The following COLEC11 variants were observed in gnomAD, a reference collection of about 807,000 sequenced individuals.
COLEC11 encodes the protein collectin-11.
Under a neutral mutation model 27.3 loss-of-function variants are expected in COLEC11, and 20 were observed. The observed-to-expected ratio is 0.73, with a 90% CI of 0.51 to 1.06. The LOEUF (loss-of-function observed/expected upper bound fraction) is 1.06, where lower values mean the gene tolerates loss of function less well. COLEC11 is among the 50% of genes least tolerant of loss of function. The pLI, the probability that COLEC11 is intolerant of heterozygous loss-of-function variation, is 0.00. For missense variants in COLEC11, 310 were observed against 383.0 expected, an observed-to-expected ratio of 0.81 and a Z score of 1.59; for synonymous variants, 163 against 154.7, an observed-to-expected ratio of 1.05 and a Z score of -0.40.
At position 3,619,080 on chromosome 2, in the gene COLEC11, T is replaced by A. The variant is rs1298030399; in HGVS notation, c.202+5698T>A. 2.6e-5 allele frequency among the ~76,000 whole-genome samples: 4 copies of A among 152,214 alleles called. No individual in the cohort carries two copies. In the South Asian group the frequency reaches 6.2e-4, roughly 24 times the overall value. ...GTTTTTAGTGGAGTCTTTAGGGTTT[T>A]ATTTATATAAGATTATGCCATCTGC... On this transcript the variant is annotated intron_variant, in intron 3 of 6. Coordinates refer to ENST00000349077, the MANE Select transcript of COLEC11 (RefSeq NM_024027.5).
In COLEC11 at chr2:3,613,324, G is replaced by A. The variant is rs1374055317; in HGVS notation, c.144G>A (p.Glu48=). ...CTTCTTCCACAGGGGATGCGGGAGA[G>A]AAGGGAGACAAAGGCGCCCCCGGAC... The part of the protein sequence containing the change: ...LVPGLKGDAG[E]KGDKGAPGRP... Residue 48 remains glutamate, a synonymous_variant, in exon 3 of 7, where the codon GAG becomes GAA. Coordinates refer to ENST00000349077, the MANE Select transcript of COLEC11 (RefSeq NM_024027.5). 6.2e-7 allele frequency: 1 copy of A among 1,610,658 alleles called. No homozygotes were observed. Among genetic ancestry groups the A allele is most frequent in the East Asian group, 2.2e-5 (1 of 44,754 alleles).
rs17017803 is a variant in COLEC11 at position 3,639,915 on chromosome 2, T to C, written c.275-363T>C. 3.3e-5 allele frequency among the ~76,000 whole-genome samples: 5 copies of C among 151,240 alleles called. No individual in the cohort carries two copies. In the East Asian group the frequency reaches 7.7e-4, roughly 23 times the overall value. On this transcript the variant is annotated intron_variant, in intron 4 of 6. Transcript: ENST00000349077. ...GCTCCCATCATGCTCCGTCTGGATT[T>C]TCCTGCTGTCATGAGAGAGGTCGGG... is the stretch of plus-strand genomic sequence containing the variant.
At chr2:3,632,579 C>T (rs1665100862) in intron 3 of COLEC11, among the ~76,000 whole-genome samples, 4 of 152,214 alleles carry the variant, frequency 2.6e-5, no homozygotes, top group Admixed American at 6.5e-5. Flanking sequence ...ACCTGTGTGA[C>T]CTCTTTAAAG....
intron 5 of COLEC11, among the ~76,000 whole-genome samples, chr2:3,642,889 C>T (rs1665976632): frequency 6.6e-6 from 1 of 152,218 alleles, no homozygotes; most frequent in African/African-American, 2.4e-5. Flanking sequence ...CTGTGTGTGC[C>T]CACGATGCCC....
chr2:3,629,298 C>G (rs1424086375), intron 3 of COLEC11, among the ~76,000 whole-genome samples: 1 of 152,172 alleles, frequency 6.6e-6, no homozygotes, highest in Non-Finnish European at 1.5e-5. Context: ...TCCAAACACC[C>G]CAAAATAGAA....
At chr2:3,601,241 T>C (rs1033131905) in intron 1 of COLEC11, among the ~76,000 whole-genome samples, 15 of 152,166 alleles carry the variant, frequency 9.9e-5, no homozygotes, top group Admixed American at 2.6e-4. Context: ...TAGACCATCA[T>C]AGTGTAGCCA....
intron 3 of COLEC11, among the ~76,000 whole-genome samples, chr2:3,630,586 A>G (rs929631493): frequency 7.2e-5 from 11 of 152,192 alleles, no homozygotes; most frequent in Admixed American, 6.5e-5. Context: ...CCAAACTGGG[A>G]AAGTTGGATG....
At chr2:3,621,321 C>G (rs975432708) in intron 3 of COLEC11, among the ~76,000 whole-genome samples, 5 of 152,254 alleles carry the variant, frequency 3.3e-5, no homozygotes, top group African/African-American at 1.2e-4. Flanking sequence ...TCTATTTTGT[C>G]TGATATAAAA....
At chr2:3,620,410 C>T (rs1664097886) in intron 3 of COLEC11, among the ~76,000 whole-genome samples, 1 of 151,932 alleles carries the variant, frequency 6.6e-6, no homozygotes, top group Non-Finnish European at 1.5e-5. Context: ...TTCTCCATTG[C>T]ATTTCTGATT....
At chr2:3,612,498 G>A (rs966544672) in intron 2 of COLEC11, among the ~76,000 whole-genome samples, 5 of 152,174 alleles carry the variant, frequency 3.3e-5, no homozygotes, top group Admixed American at 6.5e-5. Context: ...GGGAAAGACC[G>A]GGGTCCGATG....
chr2:3,597,674 T>TAAA (rs80108593), intron 1 of COLEC11, among the ~76,000 whole-genome samples: 3 of 142,012 alleles, frequency 2.1e-5, no homozygotes, highest in Admixed American at 1.4e-4. Flanking sequence ...CCTGAGACAT[T>TAAA]AAAAAAAAAA....
At chr2:3,642,618 C>T (rs1372345445) in intron 5 of COLEC11, among the ~76,000 whole-genome samples, 7 of 152,188 alleles carry the variant, frequency 4.6e-5, no homozygotes, top group South Asian at 2.1e-4. Flanking sequence ...AGCGGCCTCA[C>T]GTGTGCAGCT....
intron 3 of COLEC11, among the ~76,000 whole-genome samples, chr2:3,630,446 A>G (rs1253445287): frequency 6.6e-6 from 1 of 152,254 alleles, no homozygotes; most frequent in African/African-American, 2.4e-5. Context: ...GTCCATCCCT[A>G]AAGAACTGAG....
chr2:3,596,310 C>T lies in COLEC11; in HGVS notation c.-27+1142C>T, dbSNP rs572143580. On this transcript the variant is annotated intron_variant, in intron 1 of 6. Transcript: ENST00000349077. ...AGAATAGCATGTTTGGCAACTGAAGCCATGATTTTTTCTCATTGTCTATTT... is the reference window on the plus strand; with the variant it reads ...AGAATAGCATGTTTGGCAACTGAAGTCATGATTTTTTCTCATTGTCTATTT... 2.0e-5 allele frequency among the ~76,000 whole-genome samples: 3 copies of T among 151,648 alleles called. 1 individual carries two copies. The South Asian group carries it at 6.3e-4, about 32-fold the overall frequency.
intron 2 of COLEC11, among the ~76,000 whole-genome samples, chr2:3,607,449 C>T (rs1199360725): frequency 1.1e-3 from 120 of 109,102 alleles, no homozygotes; most frequent in Admixed American, 1.5e-3. Context: ...TTTTTTTTTG[C>T]TTTTTTTTTT....
At chr2:3,598,986 A>G (rs1025534201) in intron 1 of COLEC11, among the ~76,000 whole-genome samples, 2 of 152,154 alleles carry the variant, frequency 1.3e-5, no homozygotes, top group African/African-American at 4.8e-5. Context: ...AATCCCTTAC[A>G]TCGTGACTGA....
intron 2 of COLEC11, among the ~76,000 whole-genome samples, chr2:3,609,131 C>G (rs776922769): frequency 9.2e-5 from 14 of 152,112 alleles, no homozygotes; most frequent in Non-Finnish European, 1.3e-4. Flanking sequence ...TAAGCAGAGC[C>G]CTTGGGAGAT....
intron 2 of COLEC11, among the ~76,000 whole-genome samples, chr2:3,609,651 T>C (rs1037135665): frequency 6.6e-6 from 1 of 152,024 alleles, no homozygotes; most frequent in African/African-American, 2.4e-5. Context: ...TGCCTCAGCC[T>C]CCAGAGTAGC....
In COLEC11 at chr2:3,597,981, G is replaced by A. The variant is rs142594837; in HGVS notation, c.-27+2813G>A. On this transcript the variant is annotated intron_variant, in intron 1 of 6. Transcript: ENST00000349077. ...ACTGAGTCTCACTCTTATCACTCAGGCTAGAGGGCAGTGGTGTGATCTCGA... is the reference window on the plus strand; with the variant it reads ...ACTGAGTCTCACTCTTATCACTCAGACTAGAGGGCAGTGGTGTGATCTCGA... Among the ~76,000 whole-genome samples the A allele has an allele frequency of 1.5e-3, 226 of 151,926 alleles. 1 individual carries two copies. The highest frequency in any genetic ancestry group is 5.1e-3 in the African/African-American group (211 of 41,420).
Sources: allele counts gnomAD v4.1 joint callset (sites outside exome capture counted in the v4.1 genomes callset), GRCh38; gene constraint gnomAD v4.1.1; transcripts MANE v1.5; gene names NCBI Gene and HGNC (gene_info 2026-07-23, HGNC 2026-07-21).